Variants in KATNIP observed in about 807,000 individuals in gnomAD.
The protein encoded by KATNIP is katanin-interacting protein.
In KATNIP, 126 loss-of-function variants were observed where a neutral mutation model predicts 174.0. The observed-to-expected ratio is 0.72, with a 90% confidence interval of 0.63 to 0.84. The LOEUF (loss-of-function observed/expected upper bound fraction) is 0.84. Among genes scored for constraint, KATNIP ranks in the 40% least tolerant of loss-of-function variants. KATNIP has a pLI of 0.00. For missense variants in KATNIP, 1,958 were observed against 2,109.7 expected (o/e 0.93, Z 1.41); for synonymous variants, 810 against 835.7 (o/e 0.97, Z 0.53).
chr16:27,562,326 G>C (rs2089915768), intron 1 of KATNIP, among the ~76,000 whole-genome samples: 1 of 151,904 alleles, frequency 6.6e-6, no homozygotes, highest in South Asian at 2.1e-4. Flanking sequence ...AATAATAATG[G>C]TGATAATAAT....
chr16:27,774,423 A>G (rs1472050008), intron 23 of KATNIP, among the ~76,000 whole-genome samples: 3 of 152,068 alleles, frequency 2.0e-5, no homozygotes, highest in East Asian at 3.9e-4. Context: ...TTGACCTGTG[A>G]CTTGCCCACG....
chr16:27,740,757 C>T lies in KATNIP; in HGVS notation c.2460C>T (p.Val820=). 6.2e-7 allele frequency: 1 copy of T among 1,614,194 alleles called. No individual in the cohort carries two copies. The highest frequency in any genetic ancestry group is 1.1e-5 in the South Asian group (1 of 91,078). ...HEPGWGTSRS[V]NTKERPQRAT... Reference sequence around the variant, plus strand: ...CAGGGTGGGGGACCAGCCGGAGTGTCAACACCAAGGAGAGACCCCAGAGGG... The same window carrying T: ...CAGGGTGGGGGACCAGCCGGAGTGTTAACACCAAGGAGAGACCCCAGAGGG... Residue 820 remains valine, a synonymous_variant, in exon 15 of 28, where the codon GTC becomes GTT. Coordinates refer to ENST00000261588, the MANE Select transcript of KATNIP (RefSeq NM_015202.5).
At chr16:27,662,177 G>A (rs775056370) in intron 6 of KATNIP, among the ~76,000 whole-genome samples, 30 of 145,962 alleles carry the variant, frequency 2.1e-4, no homozygotes, top group Middle Eastern at 6.9e-3. Context: ...CAAGCAGTCC[G>A]CCTGCGTAGG....
chr16:27,569,269 T>C (rs2090201586), intron 1 of KATNIP, among the ~76,000 whole-genome samples: 1 of 152,218 alleles, frequency 6.6e-6, no homozygotes, highest in Admixed American at 6.5e-5. Flanking sequence ...GCGATGAAGA[T>C]TATCTTCATC....
At chr16:27,592,550 C>T (rs188686097) in intron 2 of KATNIP, among the ~76,000 whole-genome samples, 2 of 152,042 alleles carry the variant, frequency 1.3e-5, no homozygotes, top group Admixed American at 6.6e-5. Flanking sequence ...CCCAGGATGT[C>T]GAGACTGCAG....
chr16:27,661,953 TATAC>T (rs1206266476), intron 6 of KATNIP, among the ~76,000 whole-genome samples: 8 of 60,050 alleles, frequency 1.3e-4, no homozygotes, highest in African/African-American at 4.7e-4. Context: ...TATATATATA[TATAC>T]ACATACATAT....
chr16:27,610,503 A>G (rs1201515640), intron 2 of KATNIP, among the ~76,000 whole-genome samples: 1 of 151,552 alleles, frequency 6.6e-6, no homozygotes, highest in African/African-American at 2.4e-5. Flanking sequence ...AAAGTTATGG[A>G]CTCTTCCAAG....
At chr16:27,702,466 C>T (rs925228650) in intron 11 of KATNIP, among the ~76,000 whole-genome samples, 14 of 152,200 alleles carry the variant, frequency 9.2e-5, no homozygotes, top group South Asian at 2.1e-4. Context: ...CAGAAAGATG[C>T]GTCAGGCTGA....
Position 27,761,541 on chromosome 16 carries a change from G to C in KATNIP, c.3760G>C (p.Asp1254His). Reference sequence around the variant, plus strand: ...GCACCAGATCTCTGCTTCCCCCAGAGACTTAAATGAGCTCCCCGAGTACTC... The same window carrying C: ...GCACCAGATCTCTGCTTCCCCCAGACACTTAAATGAGCTCCCCGAGTACTC... ...HLHQISASPR[D>H]LNELPEYSDD... The change falls in exon 19 of 28, where the codon GAC (aspartate) becomes CAC (histidine). Residue 1254 changes from aspartate (D) to histidine (H), a missense_variant. By Grantham distance (81) the Asp-to-His change is moderately conservative. This residue lies in a region of KATNIP where 1,557 missense variants were observed against 1,617.8 expected (regional missense o/e 0.96). Coordinates refer to ENST00000261588, the MANE Select transcript of KATNIP (RefSeq NM_015202.5). The C allele has an allele frequency of 6.2e-7, 1 of 1,614,132 alleles. No individual in the cohort carries two copies. The highest frequency in any genetic ancestry group is 8.5e-7 in the Non-Finnish European group (1 of 1,180,032).
intron 2 of KATNIP, among the ~76,000 whole-genome samples, chr16:27,606,664 T>C (rs1327585420): frequency 6.6e-6 from 1 of 152,064 alleles, no homozygotes; most frequent in African/African-American, 2.4e-5. Context: ...CTATTTGGCC[T>C]GTCTCTCATT....
rs141915088 is a variant in KATNIP at position 27,561,980 on chromosome 16, C to T, written c.7+11803C>T. Among the ~76,000 whole-genome samples the T allele has an allele frequency of 3.2e-4, 48 of 152,296 alleles. 1 individual carries two copies. The highest frequency in any genetic ancestry group is 8.7e-4 in the African/African-American group (36 of 41,572). On this transcript the variant is annotated intron_variant, in intron 1 of 27. Transcript: ENST00000261588. Reference sequence around the variant, plus strand: ...GTTTCCAACACCTAAATACACATTGCATACCCAAGAATATTCTTCAGTTTC... The same window carrying T: ...GTTTCCAACACCTAAATACACATTGTATACCCAAGAATATTCTTCAGTTTC...
chr16:27,701,789 T>C (rs956935541), intron 11 of KATNIP, 94 bp downstream of exon 11: 5 of 833,626 alleles, frequency 6.0e-6, no homozygotes, highest in Non-Finnish European at 7.8e-6. Flanking sequence ...CTACGTTTTT[T>C]TCAGACCCCT....
chr16:27,762,168 G>C (rs1483255451), intron 19 of KATNIP, among the ~76,000 whole-genome samples: 1 of 152,166 alleles, frequency 6.6e-6, no homozygotes, highest in Non-Finnish European at 1.5e-5. Flanking sequence ...CAGTTCCCCT[G>C]CCCTGCACAG....
intron 2 of KATNIP, among the ~76,000 whole-genome samples, chr16:27,575,359 C>T (rs542144197): frequency 2.0e-5 from 3 of 152,216 alleles, no homozygotes; most frequent in African/African-American, 7.2e-5. Context: ...AGCAAGGAGC[C>T]ATAGGTTACT....
intron 6 of KATNIP, among the ~76,000 whole-genome samples, chr16:27,670,009 A>G (rs867177045): frequency 1.3e-5 from 2 of 152,320 alleles, no homozygotes; most frequent in Middle Eastern, 3.4e-3. Flanking sequence ...TGCAAATACA[A>G]TCATGGCATT....
chr16:27,714,204 C>T (rs978842563), intron 13 of KATNIP, among the ~76,000 whole-genome samples: 5 of 151,970 alleles, frequency 3.3e-5, no homozygotes, highest in African/African-American at 9.7e-5. Context: ...CCTCCCACCC[C>T]AGTCACTATC....
At chr16:27,606,510 C>A in intron 2 of KATNIP, among the ~76,000 whole-genome samples, 1 of 151,740 alleles carries the variant, frequency 6.6e-6, no homozygotes, top group South Asian at 2.1e-4. Flanking sequence ...GACACACACA[C>A]ACATACACAC....
intron 2 of KATNIP, among the ~76,000 whole-genome samples, chr16:27,602,997 G>C (rs1003397585): frequency 6.6e-6 from 1 of 152,252 alleles, no homozygotes; most frequent in African/African-American, 2.4e-5. Flanking sequence ...ACGGCACCCA[G>C]CTGATGCCAG....
chr16:27,749,112 G>C (rs979626817), intron 15 of KATNIP, among the ~76,000 whole-genome samples: 2 of 152,152 alleles, frequency 1.3e-5, no homozygotes, highest in Non-Finnish European at 2.9e-5. Context: ...CATTGCCCCT[G>C]GTCATGTGAG....
Sources: allele counts gnomAD v4.1 joint callset (sites outside exome capture counted in the v4.1 genomes callset), GRCh38; gene constraint gnomAD v4.1.1; regional missense constraint gnomAD v4.1.1; transcripts MANE v1.5; gene names NCBI Gene and HGNC (gene_info 2026-07-23, HGNC 2026-07-21).